ZSCAN1: variants seen among roughly 807,000 people sequenced by gnomAD.
ZSCAN1 encodes zinc finger and SCAN domain-containing protein 1.
A neutral mutation model predicts 23.8 loss-of-function variants in ZSCAN1; 23 were observed. The observed-to-expected ratio is 0.97, with a 90% CI of 0.70 to 1.37. The LOEUF (loss-of-function observed/expected upper bound fraction) is 1.37. ZSCAN1 is among the 40% of genes most tolerant of loss of function. The pLI, the probability that ZSCAN1 is intolerant of heterozygous loss-of-function variation, is 0.00. For missense variants in ZSCAN1, 575 were observed against 554.0 expected, an observed-to-expected ratio of 1.04 and a Z score of -0.38; for synonymous variants, 236 against 232.3, an observed-to-expected ratio of 1.02 and a Z score of -0.15.
At chr19:58,035,430 C>T (rs2073727880) in intron 1 of ZSCAN1, 1 of 152,474 alleles carries the variant, frequency 6.6e-6, no homozygotes, top group East Asian at 1.9e-4. Context: ...CTTAGCATCT[C>T]CTCCCACAGA....
chr19:58,044,622 G>A, intron 4 of ZSCAN1: 2 of 1,061,172 alleles, frequency 1.9e-6, no homozygotes, highest in Non-Finnish European at 2.8e-6. Flanking sequence ...TGCCGCGGCT[G>A]GGCGCCCGCC....
intron 4 of ZSCAN1, among the ~76,000 whole-genome samples, chr19:58,050,696 T>G (rs1285525400): frequency 6.6e-6 from 1 of 151,946 alleles, no homozygotes; most frequent in African/African-American, 2.4e-5. Flanking sequence ...AATTTTTGTA[T>G]TTTTAGTAGA....
In ZSCAN1 at chr19:58,040,994, G is replaced by A. The variant is rs994655004; in HGVS notation, c.465+450G>A. ...GGCCTCAAGGCGACGGGAGGGGCCC[G>A]GCTCGGTTGGGAGCCAAGCGGATCT... On this transcript the variant is annotated intron_variant, in intron 4 of 5. Coordinates refer to ENST00000282326, the MANE Select transcript of ZSCAN1 (RefSeq NM_182572.4). The surrounding 1 kb of genome is among the most constrained non-coding windows in gnomAD (Gnocchi z 5.8). Among the ~76,000 whole-genome samples, 2 of 152,190 alleles carry A rather than the reference G, an allele frequency of 1.3e-5. No homozygotes were observed. Among genetic ancestry groups the A allele is most frequent in the African/African-American group, 4.8e-5 (2 of 41,452 alleles).
Position 58,054,079 on chromosome 19 carries a change from G to A in ZSCAN1, c.*28G>A, listed in dbSNP as rs748642869. 5.4e-5 allele frequency: 79 copies of A among 1,461,626 alleles called. No homozygotes were observed. Among genetic ancestry groups the A allele is most frequent in the Middle Eastern group, 2.3e-4 (1 of 4,430 alleles). The allele number at this position is 1,461,626 out of a possible 1,614,324, so 90.5% of individuals were successfully genotyped here. On this transcript the variant is annotated 3_prime_UTR_variant, in exon 6 of 6. Coordinates refer to ENST00000282326, the MANE Select transcript of ZSCAN1 (RefSeq NM_182572.4). This position sits in a 1 kb window ranked among gnomAD's most constrained non-coding sequence, Gnocchi z 4.2. The stretch of plus-strand genomic sequence containing the variant: ...GGCCAGCCTCGGGCCTCGGCCACCC[G>A]GCCCTGAGTCCCTGGGGGGAGCTGA...
rs2073821883 is a variant in ZSCAN1 at position 58,045,851 on chromosome 19, C to T, written c.465+5307C>T. ...ATGTAGCTCCCGGACACCCTCTTGCCAGCCGACCAGCTCAAGTCCACACTG... is the reference window on the plus strand; with the variant it reads ...ATGTAGCTCCCGGACACCCTCTTGCTAGCCGACCAGCTCAAGTCCACACTG... On this transcript the variant is annotated intron_variant, in intron 4 of 5. Coordinates refer to ENST00000282326, the MANE Select transcript of ZSCAN1 (RefSeq NM_182572.4). The surrounding 1 kb of genome is among the most constrained non-coding windows in gnomAD (Gnocchi z 4.3). 3 of 1,127,496 alleles carry T rather than the reference C, an allele frequency of 2.7e-6. No individual in the cohort carries two copies. 69.8% of individuals were successfully genotyped at this position (1,127,496 alleles called of 1,614,324 possible).
In ZSCAN1 at chr19:58,038,116, A is replaced by C; in HGVS notation, c.280A>C (p.Met94Leu). 6.2e-7 allele frequency: 1 copy of C among 1,610,780 alleles called. No homozygotes were observed. Among genetic ancestry groups the C allele is most frequent in the Non-Finnish European group, 8.5e-7 (1 of 1,179,722 alleles). The change falls in exon 3 of 6, where the codon ATG becomes CTG. Residue 94 changes from methionine (M) to leucine (L), a missense_variant. Coordinates refer to ENST00000282326, the MANE Select transcript of ZSCAN1 (RefSeq NM_182572.4). ...EQFLGALPSK[M>L]RTWVQSQGPR... ...GTTCCTGGGCGCGCTGCCCAGCAAG[A>C]TGCGGACCTGGGTGCAGTCACAGGG...
Position 58,037,874 on chromosome 19 carries a change from GC to G in ZSCAN1, c.43del (p.Gln15ArgfsTer53). 1 of 1,175,036 alleles carries G rather than the reference GC, an allele frequency of 8.5e-7. No individual in the cohort carries two copies. The allele number at this position is 1,175,036 out of a possible 1,614,324, so 72.8% of individuals were successfully genotyped here. On this transcript the variant is annotated frameshift_variant, in exon 3 of 6. Transcript: ENST00000282326. LOFTEE classifies it high-confidence loss of function. The stretch of plus-strand genomic sequence containing the variant: ...CCCAAAGCCCCTGCCTCCCCCAGAC[GC>G]CCCCAGACCCCAACCCCGAGTGAGC... ...PRPKAPASPR[R>X]PQTPTPSEQD... is the part of the protein sequence containing the mutation.
At chr19:58,044,508 G>GA (rs1405512482) in intron 4 of ZSCAN1, 1 of 426,968 alleles carries the variant, frequency 2.3e-6, no homozygotes, top group Non-Finnish European at 4.1e-6. Context: ...GAGCCACCGA[G>GA]ACGGCGAAGA....
At chr19:58,046,988 G>A (rs1030654848) in intron 4 of ZSCAN1, among the ~76,000 whole-genome samples, 3 of 152,244 alleles carry the variant, frequency 2.0e-5, no homozygotes, top group Non-Finnish European at 4.4e-5. Context: ...GATCCACACT[G>A]TGGTGTGGCT....
Position 58,037,810 on chromosome 19 carries a change from C to A in ZSCAN1, c.-27C>A, listed in dbSNP as rs753754559. 4.1e-6 allele frequency: 6 copies of A among 1,455,474 alleles called. No individual in the cohort carries two copies. The highest frequency in any genetic ancestry group is 5.4e-6 in the Non-Finnish European group (6 of 1,106,090). 90.2% of individuals were successfully genotyped at this position (1,455,474 alleles called of 1,614,324 possible). A position where few individuals can be genotyped will look rare whatever the true frequency, so the allele number is the denominator to read the frequency against. ...ACTCGGGATCCAGTCCACACACACCCCTCAGAGGGGCACTGTGGCCAGAGA... is the reference window on the plus strand; with the variant it reads ...ACTCGGGATCCAGTCCACACACACCACTCAGAGGGGCACTGTGGCCAGAGA... On this transcript the variant is annotated 5_prime_UTR_variant, in exon 3 of 6. Transcript: ENST00000282326.
chr19:58,053,067 C>A lies in ZSCAN1; in HGVS notation c.605-362C>A, dbSNP rs2123445487. On this transcript the variant is annotated intron_variant, in intron 5 of 5. Transcript: ENST00000282326. This position sits in a 1 kb window ranked among gnomAD's most constrained non-coding sequence, Gnocchi z 5.8. ...CTCCGCCTCCTGGGTTCAAGCGATT[C>A]TCCTGCCTCACCCTCCTGAGTAGCT... is the stretch of plus-strand genomic sequence containing the variant. 6.6e-6 allele frequency among the ~76,000 whole-genome samples: 1 copy of A among 151,558 alleles called. No homozygotes were observed. The highest frequency in any genetic ancestry group is 2.1e-4 in the South Asian group (1 of 4,806).
chr19:58,036,452 A>G (rs758335033), intron 2 of ZSCAN1, among the ~76,000 whole-genome samples: 1 of 151,628 alleles, frequency 6.6e-6, no homozygotes, highest in Non-Finnish European at 1.5e-5. Context: ...TGTTTTCTTC[A>G]GTTATATGTT....
At position 58,045,967 on chromosome 19, in the gene ZSCAN1, A is replaced by G. The variant is rs976279913; in HGVS notation, c.465+5423A>G. The G allele has an allele frequency of 1.9e-5, 15 of 769,908 alleles. No individual in the cohort carries two copies. The highest frequency in any genetic ancestry group is 1.9e-4 in the Admixed American group (10 of 51,368). 47.7% of individuals were successfully genotyped at this position (769,908 alleles called of 1,614,324 possible). On this transcript the variant is annotated intron_variant, in intron 4 of 5. Coordinates refer to ENST00000282326, the MANE Select transcript of ZSCAN1 (RefSeq NM_182572.4). The surrounding 1 kb of genome is among the most constrained non-coding windows in gnomAD (Gnocchi z 4.3). Reference sequence around the variant, plus strand: ...GGTGGACAAGGCCAAGCTAGAGGCCACACTGCAGGAGAAGGCGACCATGCA... The same window carrying G: ...GGTGGACAAGGCCAAGCTAGAGGCCGCACTGCAGGAGAAGGCGACCATGCA...
rs1305736292 is a variant in ZSCAN1 at position 58,047,776 on chromosome 19, A to G, written c.466-4714A>G. ...GGTCACCGAGGCACGAAGACGAGGC[A>G]CAGGGCATCCCCTGGGGCTTCAAGG... On this transcript the variant is annotated intron_variant, in intron 4 of 5. Coordinates refer to ENST00000282326, the MANE Select transcript of ZSCAN1 (RefSeq NM_182572.4). The surrounding 1 kb of genome is among the most constrained non-coding windows in gnomAD (Gnocchi z 4.9). Among the ~76,000 whole-genome samples, 2 of 152,192 alleles carry G rather than the reference A, an allele frequency of 1.3e-5. No individual in the cohort carries two copies. Among genetic ancestry groups the G allele is most frequent in the Non-Finnish European group, 2.9e-5 (2 of 68,026 alleles).
rs148253808 is a variant in ZSCAN1, at chr19:58,038,101, G to A, written c.265G>A (p.Ala89Thr). The stretch of plus-strand genomic sequence containing the variant: ...GCTGGTGCTGGAGCAGTTCCTGGGC[G>A]CGCTGCCCAGCAAGATGCGGACCTG... ...ELLVLEQFLG[A>T]LPSKMRTWVQ... The change falls in exon 3 of 6, where the codon GCG becomes ACG. Residue 89 changes from alanine (A) to threonine (T), a missense_variant. By Grantham distance (58) the Ala-to-Thr change is moderately conservative. Coordinates refer to ENST00000282326, the MANE Select transcript of ZSCAN1 (RefSeq NM_182572.4). 30 of 1,611,116 alleles carry A rather than the reference G, an allele frequency of 1.9e-5. No homozygotes were observed. Among genetic ancestry groups the A allele is most frequent in the South Asian group, 1.2e-4 (11 of 90,988 alleles).
intron 4 of ZSCAN1, among the ~76,000 whole-genome samples, chr19:58,050,905 T>A (rs1022394431): frequency 1.3e-5 from 2 of 151,942 alleles, no homozygotes; most frequent in Non-Finnish European, 2.9e-5. Context: ...CCGCCTCCAA[T>A]CTCCCCACCT....
chr19:58,042,278 A>G (rs900006480), intron 4 of ZSCAN1, among the ~76,000 whole-genome samples: 1 of 148,964 alleles, frequency 6.7e-6, no homozygotes, highest in African/African-American at 2.5e-5. Flanking sequence ...TTTTTTTTTT[A>G]ATGGAGTCTT....
rs2073816665 is a variant in ZSCAN1, at chr19:58,045,127, T to C, written c.465+4583T>C. The C allele has an allele frequency of 8.0e-7, 1 of 1,254,666 alleles. No individual in the cohort carries two copies. Among genetic ancestry groups the C allele is most frequent in the Non-Finnish European group, 1.2e-6 (1 of 856,104 alleles). 77.7% of individuals were successfully genotyped at this position (1,254,666 alleles called of 1,614,324 possible). ...ATCCACACCAAGATCGCAGCACGCA[T>C]GCTCTGGCGCATCCTCAACTGCCAC... is the stretch of plus-strand genomic sequence containing the variant. On this transcript the variant is annotated intron_variant, in intron 4 of 5. Coordinates refer to ENST00000282326, the MANE Select transcript of ZSCAN1 (RefSeq NM_182572.4). This position sits in a 1 kb window ranked among gnomAD's most constrained non-coding sequence, Gnocchi z 4.3.
At chr19:58,050,024 G>C (rs1455525306) in intron 4 of ZSCAN1, among the ~76,000 whole-genome samples, 1 of 151,944 alleles carries the variant, frequency 6.6e-6, no homozygotes, top group African/African-American at 2.4e-5. Flanking sequence ...TGTGGGTAGT[G>C]GGAGGGGGAA....
Sources: allele counts gnomAD v4.1 joint callset (sites outside exome capture counted in the v4.1 genomes callset), GRCh38; gene constraint gnomAD v4.1.1; non-coding constraint Gnocchi (gnomAD v3.1); transcripts MANE v1.5; gene names NCBI Gene and HGNC (gene_info 2026-07-23, HGNC 2026-07-21).